The following CD180 variants were observed in gnomAD, a reference collection of about 807,000 sequenced individuals.
The protein encoded by CD180 is CD180 antigen.
CD180 carries 11 observed loss-of-function variants against 10.7 expected under a neutral mutation model. That is an observed-to-expected ratio of 1.03 (90% CI 0.65 to 1.70). CD180 has a LOEUF of 1.70. Ranked by LOEUF, CD180 falls within the 40% of genes most tolerant of loss-of-function variation. The pLI, the probability that CD180 is intolerant of heterozygous loss-of-function variation, is 0.00. For synonymous variants in CD180, 286 were observed against 294.6 expected, an observed-to-expected ratio of 0.97 and a Z score of 0.30; for missense variants, 729 against 775.2, an observed-to-expected ratio of 0.94 and a Z score of 0.71.
Position 67,184,256 on chromosome 5 carries a change from A to G in CD180, c.587T>C (p.Leu196Pro), listed in dbSNP as rs1742133624. The G allele has an allele frequency of 6.2e-6, 10 of 1,614,144 alleles. No homozygotes were observed. The highest frequency in any genetic ancestry group is 7.6e-6 in the Non-Finnish European group (9 of 1,179,990). ...CAGGCTTAGGTTGATGGCCTGCTCCAGAGACCTCATGTCTTCTCTAGAGAT... is the reference window on the plus strand; with the variant it reads ...CAGGCTTAGGTTGATGGCCTGCTCCGGAGACCTCATGTCTTCTCTAGAGAT... ...HYISREDMRS[L>P]EQAINLSLNF... Residue 196 changes from leucine (L) to proline (P), a missense_variant, in exon 3 of 3, where the codon CTG becomes CCG. Coordinates refer to ENST00000256447, the MANE Select transcript of CD180 (RefSeq NM_005582.3).
intron 1 of CD180, among the ~76,000 whole-genome samples, chr5:67,188,091 AC>A (rs1342581120): frequency 6.6e-6 from 1 of 151,808 alleles, no homozygotes; most frequent in Non-Finnish European, 1.5e-5. Flanking sequence ...AATCGCTTGA[AC>A]CAGGGACTCA....
chr5:67,185,097 GCCT>G (rs1371592017), intron 2 of CD180, among the ~76,000 whole-genome samples: 2 of 115,194 alleles, frequency 1.7e-5, no homozygotes, highest in Admixed American at 9.1e-5. Context: ...CACACAGATG[GCCT>G]CCTCATCTAA....
At chr5:67,193,233 A>C (rs1262656989) in intron 1 of CD180, among the ~76,000 whole-genome samples, 5 of 152,252 alleles carry the variant, frequency 3.3e-5, no homozygotes, top group African/African-American at 1.2e-4. Flanking sequence ...ATGAACATGC[A>C]GACATTATGT....
At position 67,184,420 on chromosome 5, in the gene CD180, C is replaced by T. The variant is rs759929960; in HGVS notation, c.423G>A (p.Glu141=). The change falls in exon 3 of 3, where the codon GAG becomes GAA. Residue 141 remains glutamate, a synonymous_variant. Coordinates refer to ENST00000256447, the MANE Select transcript of CD180 (RefSeq NM_005582.3). ...TTTCCAGATTGTGCACTGGAATAAA[C>T]TCGAGATTGGATATTCCCGTTTGGA... ...FLIQTGISNL[E]FIPVHNLENL... is the part of the protein sequence containing the mutation. 1.2e-6 allele frequency: 2 copies of T among 1,614,008 alleles called. No homozygotes were observed. Among genetic ancestry groups the T allele is most frequent in the South Asian group, 2.2e-5 (2 of 91,082 alleles).
chr5:67,181,565 A>G lies in CD180; in HGVS notation c.*1292T>C, dbSNP rs1742048502. 6.6e-6 allele frequency: 1 copy of G among 152,170 alleles called. No individual in the cohort carries two copies. Among genetic ancestry groups the G allele is most frequent in the African/African-American group, 2.4e-5 (1 of 41,438 alleles). 9.4% of individuals were successfully genotyped at this position (152,170 alleles called of 1,614,324 possible). A position where few individuals can be genotyped will look rare whatever the true frequency, so the allele number is the denominator to read the frequency against. ...ATTCTGATTGGTTGGATCCATTTTTATTTTGTTAGCTTATCAGAATTTCAT... is the reference window on the plus strand; with the variant it reads ...ATTCTGATTGGTTGGATCCATTTTTGTTTTGTTAGCTTATCAGAATTTCAT... On this transcript the variant is annotated 3_prime_UTR_variant, in exon 3 of 3. Transcript: ENST00000256447.
At chr5:67,186,236 G>C (rs976544662) in intron 1 of CD180, 2 of 316,498 alleles carry the variant, frequency 6.3e-6, no homozygotes, top group African/African-American at 4.3e-5. Context: ...CATCAATATA[G>C]GACTACTTGA....
rs1742184105 is a variant in CD180 at position 67,185,928 on chromosome 5, G to A, written c.180C>T (p.Phe60=). The A allele has an allele frequency of 3.7e-6, 6 of 1,611,638 alleles. No individual in the cohort carries two copies. The highest frequency in any genetic ancestry group is 5.1e-6 in the Non-Finnish European group (6 of 1,178,766). The change falls in exon 2 of 3, where the codon TTC becomes TTT. Residue 60 remains phenylalanine, a synonymous_variant. Coordinates refer to ENST00000256447, the MANE Select transcript of CD180 (RefSeq NM_005582.3). ...TLPNTTEFLE[F]SFNFLPTIHN... ...GAATTGTAGGCAAAAAATTAAAGCT[G>A]AATTCCAAAAATTCTGTTGTGTTTG...
chr5:67,185,732 C>T, intron 2 of CD180, 119 bp downstream of exon 2: 1 of 598,444 alleles, frequency 1.7e-6, no homozygotes. Context: ...GAGGCATAAA[C>T]ATGTAGTATA....
At chr5:67,192,192 C>T (rs938515447) in intron 1 of CD180, among the ~76,000 whole-genome samples, 1 of 152,098 alleles carries the variant, frequency 6.6e-6, no homozygotes, top group Non-Finnish European at 1.5e-5. Flanking sequence ...AGATCGAGAC[C>T]ATCCTGGCTG....
Position 67,184,532 on chromosome 5 carries a change from C to A in CD180, c.311G>T (p.Ser104Ile), listed in dbSNP as rs757388882. 113 of 1,608,654 alleles carry A rather than the reference C, an allele frequency of 7.0e-5. No individual in the cohort carries two copies. In the South Asian group the frequency reaches 1.1e-3, roughly 16 times the overall value. Residue 104 changes from serine (S) to isoleucine (I), a missense_variant, in exon 3 of 3, where the codon AGC becomes ATC. Ser to Ile is a moderately radical substitution (Grantham distance 142). Coordinates refer to ENST00000256447, the MANE Select transcript of CD180 (RefSeq NM_005582.3). The stretch of plus-strand genomic sequence containing the variant: ...GGGATTTCCAGTTAACACAAGTGTG[C>A]TTAATTGATGATGGCTTTGAAAAGT... ...EDTFQSHHQL[S>I]TLVLTGNPLI...
At chr5:67,195,138 A>T (rs1742375963) in intron 1 of CD180, among the ~76,000 whole-genome samples, 1 of 152,196 alleles carries the variant, frequency 6.6e-6, no homozygotes, top group Non-Finnish European at 1.5e-5. Flanking sequence ...GAACTGTGAG[A>T]CAATCAATTT....
chr5:67,183,725 T>C lies in CD180; in HGVS notation c.1118A>G (p.Gln373Arg). 2 of 1,614,186 alleles carry C rather than the reference T, an allele frequency of 1.2e-6. No homozygotes were observed. The highest frequency in any genetic ancestry group is 1.7e-6 in the Non-Finnish European group (2 of 1,180,030). ...GTCATTATGGCTTAAATCAAGTGTCTGAAGGTTTCCTAGTTTCTCCAAGCA... is the reference window on the plus strand; with the variant it reads ...GTCATTATGGCTTAAATCAAGTGTCCGAAGGTTTCCTAGTTTCTCCAAGCA... ...VGCLEKLGNL[Q>R]TLDLSHNDIE... Residue 373 changes from glutamine (Q) to arginine (R), a missense_variant, in exon 3 of 3, where the codon CAG becomes CGG. Coordinates refer to ENST00000256447, the MANE Select transcript of CD180 (RefSeq NM_005582.3).
chr5:67,196,322 G>A (rs1324407270), intron 1 of CD180, among the ~76,000 whole-genome samples: 1 of 152,174 alleles, frequency 6.6e-6, no homozygotes, highest in African/African-American at 2.4e-5. Flanking sequence ...GGGTGGAATT[G>A]TTTGAAGAGG....
At chr5:67,192,439 TAAAGA>T (rs1267964748) in intron 1 of CD180, among the ~76,000 whole-genome samples, 1 of 152,020 alleles carries the variant, frequency 6.6e-6, no homozygotes, top group Non-Finnish European at 1.5e-5. Context: ...GCGTAATTTA[TAAAGA>T]AAAGAGGTCT....
rs1248313494 is a variant in CD180, at chr5:67,196,678, T to C, written c.-37A>G. 6.2e-7 allele frequency: 1 copy of C among 1,613,396 alleles called. No individual in the cohort carries two copies. Among genetic ancestry groups the C allele is most frequent in the Non-Finnish European group, 8.5e-7 (1 of 1,179,684 alleles). On this transcript the variant is annotated 5_prime_UTR_variant, in exon 1 of 3. Transcript: ENST00000256447. ...ATTGCTTGGTGGGTTTACCTAATGC[T>C]TGGAGCTGAGAAATGGAATCAAACT...
Position 67,196,448 on chromosome 5 carries a change from A to C in CD180, c.90+104T>G, listed in dbSNP as rs1339933009. 6.7e-6 allele frequency: 7 copies of C among 1,047,876 alleles called. No individual in the cohort carries two copies. In the African/African-American group the frequency reaches 1.1e-4, roughly 17 times the overall value. The allele number at this position is 1,047,876 out of a possible 1,614,324, so 64.9% of individuals were successfully genotyped here. A position where few individuals can be genotyped will look rare whatever the true frequency, so the allele number is the denominator to read the frequency against. On this transcript the variant is annotated intron_variant, in intron 1 of 2. Transcript: ENST00000256447. ...ATATATACACCTTATTTCCTTTTTAAAGACACTAGATATTGGGATGCCAAG... is the reference window on the plus strand; with the variant it reads ...ATATATACACCTTATTTCCTTTTTACAGACACTAGATATTGGGATGCCAAG...
At chr5:67,184,935 T>G (rs914064891) in intron 2 of CD180, among the ~76,000 whole-genome samples, 5 of 152,136 alleles carry the variant, frequency 3.3e-5, no homozygotes, top group African/African-American at 1.2e-4. Context: ...AGATAATATA[T>G]GGTATAAAAT....
chr5:67,185,292 C>CTCTT (rs1742168416), intron 2 of CD180, among the ~76,000 whole-genome samples: 1 of 113,862 alleles, frequency 8.8e-6, no homozygotes, highest in African/African-American at 4.7e-5. Flanking sequence ...CCCTCTTACA[C>CTCTT]ACACACACAC....
In CD180 at chr5:67,184,349, T is replaced by C. The variant is rs1040302234; in HGVS notation, c.494A>G (p.Lys165Arg). Reference sequence around the variant, plus strand: ...CCGTGCTGGGAAGTCTTTGGGGAACTTAATGGAGGAAATATGGTTGCTTCC... The same window carrying C: ...CCGTGCTGGGAAGTCTTTGGGGAACCTAATGGAGGAAATATGGTTGCTTCC... ...YLGSNHISSI[K>R]FPKDFPARNL... is the part of the protein sequence containing the mutation. Residue 165 changes from lysine to arginine, a missense_variant, in exon 3 of 3, where the codon AAG (lysine) becomes AGG (arginine). Physicochemically the swap from Lys to Arg is conservative, Grantham distance 26. Transcript: ENST00000256447. The C allele has an allele frequency of 6.8e-6, 11 of 1,614,078 alleles. No homozygotes were observed. The highest frequency in any genetic ancestry group is 9.3e-6 in the Non-Finnish European group (11 of 1,180,028).
Sources: allele counts gnomAD v4.1 joint callset (sites outside exome capture counted in the v4.1 genomes callset), GRCh38; gene constraint gnomAD v4.1.1; transcripts MANE v1.5; gene names NCBI Gene and HGNC (gene_info 2026-07-23, HGNC 2026-07-21).